The following CEP112 variants were observed in gnomAD, a reference collection of about 807,000 sequenced individuals.
CEP112 encodes centrosomal protein of 112 kDa.
Under a neutral mutation model 153.0 loss-of-function variants are expected in CEP112, and 127 were observed. The observed-to-expected ratio is 0.83, with a 90% CI of 0.72 to 0.96. The LOEUF (loss-of-function observed/expected upper bound fraction) is 0.96, where lower values mean the gene tolerates loss of function less well. Ranked by LOEUF, CEP112 falls within the 40% of genes least tolerant of loss-of-function variation. The pLI is 0.00. For missense variants in CEP112, 1,089 were observed against 1,101.2 expected (o/e 0.99, Z 0.16); for synonymous variants, 358 against 374.4 (o/e 0.96, Z 0.51).
At chr17:66,095,589 T>C (rs1289062702) in intron 8 of CEP112, among the ~76,000 whole-genome samples, 4 of 152,210 alleles carry the variant, frequency 2.6e-5, no homozygotes, top group Non-Finnish European at 4.4e-5. Context: ...TCTAGAGATC[T>C]ATTGTACAGC....
chr17:66,171,431 CAT>C (rs1351208773), intron 4 of CEP112, among the ~76,000 whole-genome samples: 3 of 152,162 alleles, frequency 2.0e-5, no homozygotes, highest in African/African-American at 7.2e-5. Flanking sequence ...TAAAAACATA[CAT>C]GTGTCAAATA....
Position 65,938,093 on chromosome 17 carries a change from G to A in CEP112, c.1873-10404C>T, listed in dbSNP as rs1481812491. On this transcript the variant is annotated intron_variant, in intron 18 of 26. Coordinates refer to ENST00000535342, the MANE Select transcript of CEP112 (RefSeq NM_001199165.4). Reference sequence around the variant, plus strand: ...TACTAAGAAAAATTATTCTGCCTTGGGATCCTGTTGATCTGTGACCTTACC... The same window carrying A: ...TACTAAGAAAAATTATTCTGCCTTGAGATCCTGTTGATCTGTGACCTTACC... 2.6e-5 allele frequency among the ~76,000 whole-genome samples: 3 copies of A among 116,092 alleles called. 1 individual carries two copies. Among genetic ancestry groups the A allele is most frequent in the Admixed American group, 2.1e-4 (2 of 9,384 alleles). 76.2% of individuals were successfully genotyped at this position (116,092 alleles called of 152,430 possible). A position where few individuals can be genotyped will look rare whatever the true frequency, so the allele number is the denominator to read the frequency against.
At chr17:65,873,874 TATATAGC>T (rs2058740854) in intron 20 of CEP112, among the ~76,000 whole-genome samples, 1 of 152,178 alleles carries the variant, frequency 6.6e-6, no homozygotes, top group African/African-American at 2.4e-5. Context: ...TGAATATGGG[TATATAGC>T]ATATACCAAT....
chr17:65,988,006 C>A (rs984369233), intron 17 of CEP112, among the ~76,000 whole-genome samples: 4 of 152,138 alleles, frequency 2.6e-5, no homozygotes, highest in Non-Finnish European at 5.9e-5. Context: ...CATTCTCAGT[C>A]CTGGAAACTC....
rs2066980926 is a variant in CEP112, at chr17:66,062,997, C to T, written c.1040G>A (p.Ser347Asn). The T allele has an allele frequency of 1.3e-6, 2 of 1,596,400 alleles. No homozygotes were observed. ...IAELKKICEQ[S>N]TESLNNDWEK... ...CCAGTCATTATTTAGAGATTCCGTA[C>T]TTTGTTCACATATCTTTTTCAGCTC... Residue 347 changes from serine to asparagine, a missense_variant, in exon 11 of 27, where the codon AGT (serine) becomes AAT (asparagine). By Grantham distance (46) the Ser-to-Asn change is conservative. Coordinates refer to ENST00000535342, the MANE Select transcript of CEP112 (RefSeq NM_001199165.4).
chr17:65,868,703 G>A (rs2058559045), intron 20 of CEP112, among the ~76,000 whole-genome samples: 1 of 152,080 alleles, frequency 6.6e-6, no homozygotes, highest in Non-Finnish European at 1.5e-5. Context: ...ATTTCATGGA[G>A]ACTGAATTTA....
chr17:65,793,649 T>C (rs866062933), intron 21 of CEP112, among the ~76,000 whole-genome samples: 6 of 152,248 alleles, frequency 3.9e-5, no homozygotes, highest in African/African-American at 9.6e-5. Context: ...ACTTTGAACA[T>C]AGACACATTT....
chr17:66,030,054 T>C lies in CEP112; in HGVS notation c.1219-31A>G, dbSNP rs112801608. The C allele has an allele frequency of 3.2e-5, 51 of 1,595,674 alleles. No homozygotes were observed. In the African/African-American group the frequency reaches 3.2e-4, roughly 10 times the overall value. ...AGAACAGGTCATGGTTAAGAAAGTCTCTGACTCAGTTGTAACACTTTTGTA... is the reference window on the plus strand; with the variant it reads ...AGAACAGGTCATGGTTAAGAAAGTCCCTGACTCAGTTGTAACACTTTTGTA... On this transcript the variant is annotated intron_variant, in intron 12 of 26. Transcript: ENST00000535342.
rs188939712 is a variant in CEP112, at chr17:65,693,635, C to A, written c.2608-4417G>T. On this transcript the variant is annotated intron_variant, in intron 23 of 26. Transcript: ENST00000535342. ...GTGACCAGAAAATAGTGAATTCTTGCTAAGCACAAGTCAGAAGCGGTGGGG... is the reference window on the plus strand; with the variant it reads ...GTGACCAGAAAATAGTGAATTCTTGATAAGCACAAGTCAGAAGCGGTGGGG... 8.3e-4 allele frequency among the ~76,000 whole-genome samples: 126 copies of A among 152,252 alleles called. No individual in the cohort carries two copies. The Middle Eastern group carries it at 0.014, about 16-fold the overall frequency.
At chr17:65,940,562 A>C (rs1166430059) in intron 18 of CEP112, among the ~76,000 whole-genome samples, 2 of 152,196 alleles carry the variant, frequency 1.3e-5, no homozygotes, top group Non-Finnish European at 2.9e-5. Context: ...AGCCTTTAAA[A>C]ATAAGGAAAT....
Position 65,668,463 on chromosome 17 carries a change from C to T in CEP112, c.2697+20666G>A, listed in dbSNP as rs184595301. Among the ~76,000 whole-genome samples, 259 of 152,278 alleles carry T rather than the reference C, an allele frequency of 1.7e-3. 1 individual carries two copies. The highest frequency in any genetic ancestry group is 6.1e-3 in the African/African-American group (254 of 41,558). On this transcript the variant is annotated intron_variant, in intron 24 of 26. Transcript: ENST00000535342. ...ACTTGTATTTCTGCATTTTTCTTTT[C>T]CTAACTCAGATCCCCCACCTGGAAG...
At chr17:66,128,017 A>T (rs1438841349) in intron 6 of CEP112, among the ~76,000 whole-genome samples, 1 of 151,850 alleles carries the variant, frequency 6.6e-6, no homozygotes, top group Non-Finnish European at 1.5e-5. Flanking sequence ...AAGACCTAAA[A>T]CGGCCAGGCG....
chr17:65,812,168 T>G (rs1318258575), intron 21 of CEP112, among the ~76,000 whole-genome samples: 1 of 152,034 alleles, frequency 6.6e-6, no homozygotes, highest in Non-Finnish European at 1.5e-5. Flanking sequence ...CACGCCTGGA[T>G]AATTTTTTGT....
At chr17:65,733,856 G>T (rs1433319347) in intron 23 of CEP112, among the ~76,000 whole-genome samples, 1 of 152,102 alleles carries the variant, frequency 6.6e-6, no homozygotes, top group African/African-American at 2.4e-5. Flanking sequence ...TCTAAATACA[G>T]GTCCACAATG....
chr17:65,852,747 T>C (rs574359735), intron 20 of CEP112, among the ~76,000 whole-genome samples: 2 of 152,034 alleles, frequency 1.3e-5, no homozygotes, highest in Admixed American at 6.6e-5. Flanking sequence ...ATTTTTACTT[T>C]TTATTGATTG....
chr17:65,672,402 A>G (rs1420479083), intron 24 of CEP112, among the ~76,000 whole-genome samples: 4 of 152,234 alleles, frequency 2.6e-5, no homozygotes, highest in Non-Finnish European at 5.9e-5. Context: ...GAACTCTACA[A>G]TCTTAGCCCA....
intron 6 of CEP112, among the ~76,000 whole-genome samples, chr17:66,116,904 G>A (rs1164566184): frequency 7.9e-6 from 1 of 125,820 alleles, no homozygotes; most frequent in Non-Finnish European, 1.6e-5. Flanking sequence ...GTCTCGCTCT[G>A]TTGCCAGGCT....
At chr17:65,711,467 A>G (rs939113979) in intron 23 of CEP112, among the ~76,000 whole-genome samples, 1 of 152,214 alleles carries the variant, frequency 6.6e-6, no homozygotes, top group Non-Finnish European at 1.5e-5. Flanking sequence ...AGAGCTCAAT[A>G]GATGTTAGTT....
chr17:65,834,112 A>T (rs1200189288), intron 21 of CEP112, among the ~76,000 whole-genome samples: 4 of 152,194 alleles, frequency 2.6e-5, no homozygotes, highest in African/African-American at 9.6e-5. Flanking sequence ...AAGACTCCCT[A>T]TTCAATGAAT....
Sources: allele counts gnomAD v4.1 joint callset (sites outside exome capture counted in the v4.1 genomes callset), GRCh38; gene constraint gnomAD v4.1.1; transcripts MANE v1.5; gene names NCBI Gene and HGNC (gene_info 2026-07-23, HGNC 2026-07-21).